Variants in PLEKHA7 observed in about 807,000 individuals in gnomAD.
PLEKHA7 encodes pleckstrin homology domain-containing family A member 7.
In PLEKHA7, 104 loss-of-function variants were observed where a neutral mutation model predicts 170.0. The ratio of observed to expected loss-of-function variants is 0.61; its 90% CI spans 0.52 to 0.72. PLEKHA7 has a LOEUF of 0.72. Among genes scored for constraint, PLEKHA7 ranks in the 30% least tolerant of loss-of-function variants. The pLI, the probability that PLEKHA7 is intolerant of heterozygous loss-of-function variation, is 0.00. For missense variants in PLEKHA7, 1,615 were observed against 1,671.7 expected, an observed-to-expected ratio of 0.97 and a Z score of 0.59; for synonymous variants, 648 against 660.8, an observed-to-expected ratio of 0.98 and a Z score of 0.30.
intron 17 of PLEKHA7, 146 bp from the exon 18 acceptor site, chr11:16,795,164 T>C: frequency 1.6e-6 from 1 of 623,540 alleles, no homozygotes; most frequent in Non-Finnish European, 2.9e-6. Flanking sequence ...CCAAGCCTGC[T>C]TCATAGCTTT....
chr11:16,892,305 A>G (rs897197918), intron 3 of PLEKHA7, among the ~76,000 whole-genome samples: 1 of 152,180 alleles, frequency 6.6e-6, no homozygotes, highest in East Asian at 1.9e-4. Flanking sequence ...AAAGAGCACC[A>G]AGGCCCAGTA....
At chr11:16,827,610 C>T (rs1053655731) in intron 9 of PLEKHA7, among the ~76,000 whole-genome samples, 18 of 152,216 alleles carry the variant, frequency 1.2e-4, no homozygotes, top group African/African-American at 4.3e-4. Context: ...GGTCCATCTC[C>T]CTCTGTAAGC....
At chr11:16,941,194 C>CCAG (rs1021104512) in intron 3 of PLEKHA7, among the ~76,000 whole-genome samples, 1 of 152,140 alleles carries the variant, frequency 6.6e-6, no homozygotes, top group Non-Finnish European at 1.5e-5. Context: ...GTGTCCTTAC[C>CCAG]CAGATGGGTC....
intron 3 of PLEKHA7, among the ~76,000 whole-genome samples, chr11:16,959,485 AT>A (rs1861913586): frequency 3.3e-5 from 5 of 152,232 alleles, no homozygotes; most frequent in Admixed American, 2.0e-4. Flanking sequence ...ATGTGCCTAC[AT>A]GCTTGGATTA....
intron 3 of PLEKHA7, among the ~76,000 whole-genome samples, chr11:16,977,285 C>T (rs989639661): frequency 1.3e-5 from 2 of 151,936 alleles, no homozygotes; most frequent in African/African-American, 4.8e-5. Flanking sequence ...CTCCTGACCA[C>T]CTCCCTCCTT....
intron 3 of PLEKHA7, among the ~76,000 whole-genome samples, chr11:16,881,945 C>T (rs1855746071): frequency 6.6e-6 from 1 of 152,170 alleles, no homozygotes; most frequent in Admixed American, 6.6e-5. Flanking sequence ...ACTCCCAGAA[C>T]AGGTCTGAAA....
chr11:16,813,213 G>T (rs1849505144), intron 12 of PLEKHA7, 47 bp from the exon 13 acceptor site: 1 of 1,533,784 alleles, frequency 6.5e-7, no homozygotes, highest in Non-Finnish European at 9.0e-7. Context: ...AACACCAAGA[G>T]TTTCCATAAC....
intron 17 of PLEKHA7, among the ~76,000 whole-genome samples, chr11:16,799,074 A>G (rs1848422201): frequency 6.6e-6 from 1 of 152,250 alleles, no homozygotes; most frequent in Non-Finnish European, 1.5e-5. Context: ...CGATAGCTGC[A>G]TGTGGGTATG....
chr11:16,987,068 T>C (rs1267332501), intron 3 of PLEKHA7, among the ~76,000 whole-genome samples: 1 of 152,154 alleles, frequency 6.6e-6, no homozygotes, highest in Non-Finnish European at 1.5e-5. Flanking sequence ...TTGCCCCAAA[T>C]GGGAAATTTG....
Position 16,883,327 on chromosome 11 carries a change from C to G in PLEKHA7, c.222-12145G>C, listed in dbSNP as rs574032121. 3.3e-5 allele frequency among the ~76,000 whole-genome samples: 5 copies of G among 152,326 alleles called. No individual in the cohort carries two copies. The South Asian group carries it at 8.3e-4, about 25-fold the overall frequency. On this transcript the variant is annotated intron_variant, in intron 3 of 26. Coordinates refer to ENST00000531066, the MANE Select transcript of PLEKHA7 (RefSeq NM_001329630.2). ...AATAATCCTTGTTCACCAGGAAACA[C>G]CCTAGCAGGAATTAGTGACAGCTAT...
chr11:16,787,146 G>A, intron 23 of PLEKHA7: 1 of 985,436 alleles, frequency 1.0e-6, no homozygotes, highest in Non-Finnish European at 1.2e-6. Flanking sequence ...GCTCCGTGGT[G>A]ACTTCCTGTT....
intron 3 of PLEKHA7, among the ~76,000 whole-genome samples, chr11:16,928,487 TTGC>T (rs1859719342): frequency 1.3e-5 from 2 of 151,590 alleles, no homozygotes; most frequent in Non-Finnish European, 2.9e-5. Flanking sequence ...CACAGTATTC[TTGC>T]TCCATCATGT....
chr11:16,958,662 T>C (rs1410897429), intron 3 of PLEKHA7, among the ~76,000 whole-genome samples: 1 of 152,224 alleles, frequency 6.6e-6, no homozygotes, highest in East Asian at 1.9e-4. Flanking sequence ...AAGTGCAAGA[T>C]ATACAGATGT....
In PLEKHA7 at chr11:16,825,990, G is replaced by A. The variant is rs529603059; in HGVS notation, c.1343+130C>T. ...CACCCTTTCTTGCAGGGTTGTTACA[G>A]GGATTTACGTAGGTAATGGCAGTAA... On this transcript the variant is annotated intron_variant, in intron 10 of 26. Transcript: ENST00000531066. 174 of 961,878 alleles carry A rather than the reference G, an allele frequency of 1.8e-4. No individual in the cohort carries two copies. The African/African-American group carries it at 2.5e-3, about 14-fold the overall frequency. The allele number at this position is 961,878 out of a possible 1,614,324, so 59.6% of individuals were successfully genotyped here. A position where few individuals can be genotyped will look rare whatever the true frequency, so the allele number is the denominator to read the frequency against.
intron 9 of PLEKHA7, among the ~76,000 whole-genome samples, chr11:16,829,930 T>A (rs541988450): frequency 1.7e-3 from 257 of 152,246 alleles, no homozygotes; most frequent in African/African-American, 5.9e-3. Context: ...ATAACTAGAT[T>A]AGTGTAAACT....
intron 3 of PLEKHA7, among the ~76,000 whole-genome samples, chr11:16,903,466 T>C (rs529880372): frequency 2.4e-4 from 37 of 152,318 alleles, no homozygotes; most frequent in African/African-American, 8.2e-4. Context: ...AAGGTTCTCA[T>C]TGACCATCCA....
chr11:16,833,786 T>C (rs912760989), intron 9 of PLEKHA7, among the ~76,000 whole-genome samples: 6 of 152,214 alleles, frequency 3.9e-5, no homozygotes, highest in Non-Finnish European at 8.8e-5. Context: ...CAGCCATCAC[T>C]GACTGAGCAC....
At chr11:16,940,113 C>T (rs1860578688) in intron 3 of PLEKHA7, among the ~76,000 whole-genome samples, 1 of 152,170 alleles carries the variant, frequency 6.6e-6, no homozygotes, top group Admixed American at 6.5e-5. Flanking sequence ...ACATTCCTAT[C>T]TCCCCTACTG....
intron 3 of PLEKHA7, among the ~76,000 whole-genome samples, chr11:17,000,980 C>T (rs1229298497): frequency 1.3e-5 from 2 of 152,204 alleles, no homozygotes; most frequent in Non-Finnish European, 2.9e-5. Flanking sequence ...CTCCTCAACT[C>T]AGCACTAACC....
Sources: gnomAD v4.1 joint callset for allele counts (sites outside exome capture counted in the v4.1 genomes callset) on GRCh38, gnomAD v4.1.1 for gene constraint, MANE v1.5 for transcripts, NCBI Gene and HGNC (gene_info 2026-07-23, HGNC 2026-07-21) for gene names.